STAB2: variants seen among roughly 807,000 people sequenced by gnomAD.
The protein encoded by STAB2 is stabilin 2, also known as stabilin-2.
Under a neutral mutation model 338.1 loss-of-function variants are expected in STAB2, and 288 were observed. The observed-to-expected ratio is 0.85, with a 90% CI of 0.77 to 0.94. The LOEUF is 0.94. STAB2 is among the 40% of genes least tolerant of loss of function. The pLI is 0.00. For missense variants in STAB2, 3,141 were observed against 3,210.1 expected (o/e 0.98, Z 0.52); for synonymous variants, 1,202 against 1,193.3 (o/e 1.01, Z -0.15).
At chr12:103,721,036 C>A (rs1287866026) in intron 44 of STAB2, among the ~76,000 whole-genome samples, 2 of 152,214 alleles carry the variant, frequency 1.3e-5, no homozygotes, top group Non-Finnish European at 2.9e-5. Flanking sequence ...TAATGAACCA[C>A]AAAAGGATCT....
chr12:103,693,423 C>T (rs749734806), intron 31 of STAB2, among the ~76,000 whole-genome samples: 9 of 151,886 alleles, frequency 5.9e-5, no homozygotes, highest in Non-Finnish European at 8.8e-5. Flanking sequence ...GGCAACAGAG[C>T]GAGACTGTCT....
At chr12:103,631,783 C>T (rs972844980) in intron 6 of STAB2, 90 bp downstream of exon 6, 16 of 1,302,824 alleles carry the variant, frequency 1.2e-5, no homozygotes, top group Non-Finnish European at 1.5e-5. Context: ...TGGTTCTCTG[C>T]AGGGGCAAGG....
At chr12:103,644,779 C>A (rs1247230577) in intron 9 of STAB2, among the ~76,000 whole-genome samples, 1 of 152,066 alleles carries the variant, frequency 6.6e-6, no homozygotes, top group South Asian at 2.1e-4. Flanking sequence ...AACAATTTAT[C>A]GTACATTTTT....
chr12:103,766,164 C>T, intron 68 of STAB2, 122 bp from the exon 69 acceptor site: 2 of 1,320,934 alleles, frequency 1.5e-6, no homozygotes, highest in Non-Finnish European at 2.2e-6. Context: ...CAAACACGCC[C>T]AGCACATACG....
chr12:103,738,820 C>G (rs1566063119), intron 53 of STAB2, among the ~76,000 whole-genome samples: 1 of 152,330 alleles, frequency 6.6e-6, no homozygotes, highest in South Asian at 2.1e-4. Context: ...ATATGTCCCA[C>G]TGCTAATAGC....
chr12:103,685,443 T>C (rs1593233072), intron 27 of STAB2, among the ~76,000 whole-genome samples: 1 of 144,922 alleles, frequency 6.9e-6, no homozygotes, highest in Non-Finnish European at 1.5e-5. Flanking sequence ...TGTGTGTGTG[T>C]GTGTGTGTGT....
chr12:103,657,420 T>G (rs1184781819), intron 15 of STAB2, among the ~76,000 whole-genome samples: 1 of 152,166 alleles, frequency 6.6e-6, no homozygotes, highest in East Asian at 1.9e-4. Flanking sequence ...TCAACCTCAT[T>G]GCTTAGTTCT....
At position 103,638,108 on chromosome 12, in the gene STAB2, T is replaced by A. The variant is rs753564747; in HGVS notation, c.802T>A (p.Tyr268Asn). 2 of 1,614,206 alleles carry A rather than the reference T, an allele frequency of 1.2e-6. No individual in the cohort carries two copies. Among genetic ancestry groups the A allele is most frequent in the South Asian group, 2.2e-5 (2 of 91,076 alleles). The change falls in exon 8 of 69, where the codon TAC becomes AAC. Residue 268 changes from tyrosine to asparagine, a missense_variant. Coordinates refer to ENST00000388887, the MANE Select transcript of STAB2 (RefSeq NM_017564.10). ...NRHSCTCQEG[Y>N]RGDGQVCLPV... is the part of the protein sequence containing the mutation. Reference sequence around the variant, plus strand: ...GCACAGTTGTACATGCCAAGAAGGCTACCGTGGGGATGGCCAAGTGTGCTT... The same window carrying A: ...GCACAGTTGTACATGCCAAGAAGGCAACCGTGGGGATGGCCAAGTGTGCTT...
At chr12:103,607,249 T>A (rs908523526) in intron 3 of STAB2, among the ~76,000 whole-genome samples, 4 of 152,094 alleles carry the variant, frequency 2.6e-5, no homozygotes, top group African/African-American at 9.7e-5. Context: ...ATACATTTTC[T>A]CCCTTCCTCC....
At chr12:103,661,987 A>G (rs1874663437) in intron 17 of STAB2, among the ~76,000 whole-genome samples, 1 of 152,096 alleles carries the variant, frequency 6.6e-6, no homozygotes, top group African/African-American at 2.4e-5. Context: ...AGGATTTTGA[A>G]CTGAGGAATG....
chr12:103,606,432 T>C (rs557499544), intron 3 of STAB2, among the ~76,000 whole-genome samples: 1 of 152,216 alleles, frequency 6.6e-6, no homozygotes, highest in African/African-American at 2.4e-5. Context: ...ATAATGACGA[T>C]GTCCAGCATT....
rs185696910 is a variant in STAB2 at position 103,612,029 on chromosome 12, G to T, written c.332-8439G>T. On this transcript the variant is annotated intron_variant, in intron 3 of 68. Transcript: ENST00000388887. ...GAATATTGTCCCCCACTCTCTTCTG[G>T]CTTGTAGAGTTTCTGCTGAGATATC... 6.9e-3 allele frequency among the ~76,000 whole-genome samples: 1,048 copies of T among 152,264 alleles called. 10 individuals are homozygous for T. Among genetic ancestry groups the T allele is most frequent in the African/African-American group, 0.024 (994 of 41,546 alleles).
In STAB2 at chr12:103,742,496, C is replaced by T. The variant is rs1882665136; in HGVS notation, c.5973C>T (p.Gly1991=). The T allele has an allele frequency of 6.2e-7, 1 of 1,614,168 alleles. No individual in the cohort carries two copies. Among genetic ancestry groups the T allele is most frequent in the Non-Finnish European group, 8.5e-7 (1 of 1,180,028 alleles). ...SATGECKCNT[G]FNGTACEMCW... ...CCGGAGAGTGTAAATGCAACACCGGCTTCAATGGGACGGCGTGTGAGATGT... is the reference window on the plus strand; with the variant it reads ...CCGGAGAGTGTAAATGCAACACCGGTTTCAATGGGACGGCGTGTGAGATGT... The change falls in exon 56 of 69, where the codon GGC becomes GGT. Residue 1991 remains glycine, a synonymous_variant. Coordinates refer to ENST00000388887, the MANE Select transcript of STAB2 (RefSeq NM_017564.10).
At chr12:103,756,017 G>A (rs1021126067) in intron 63 of STAB2, among the ~76,000 whole-genome samples, 1 of 152,074 alleles carries the variant, frequency 6.6e-6, no homozygotes, top group Non-Finnish European at 1.5e-5. Context: ...TAGACCTGTG[G>A]TCTGTACATG....
chr12:103,707,467 G>A (rs1376849980), intron 38 of STAB2, among the ~76,000 whole-genome samples: 1 of 152,248 alleles, frequency 6.6e-6, no homozygotes. Context: ...AGGCAGAACT[G>A]AGAACTGAAT....
chr12:103,739,562 TGTGTGTGTGTGC>T (rs1333307738), intron 54 of STAB2, 94 bp downstream of exon 54: 6 of 796,330 alleles, frequency 7.5e-6, no homozygotes, highest in Non-Finnish European at 1.1e-5. Context: ...TGTGTGTGTG[TGTGTGTGTGTGC>T]CCGTGCACGT....
chr12:103,766,464 T>G lies in STAB2; in HGVS notation c.*128T>G. ...ACTCAGAAGCCATACCTCATCTCTC[T>G]GGCTGATCTGGGGGTTGTTTCTGTG... On this transcript the variant is annotated 3_prime_UTR_variant, in exon 69 of 69. Coordinates refer to ENST00000388887, the MANE Select transcript of STAB2 (RefSeq NM_017564.10). 9.3e-7 allele frequency: 1 copy of G among 1,073,522 alleles called. No homozygotes were observed. The highest frequency in any genetic ancestry group is 1.3e-6 in the Non-Finnish European group (1 of 752,738). The allele number at this position is 1,073,522 out of a possible 1,614,324, so 66.5% of individuals were successfully genotyped here. A position where few individuals can be genotyped will look rare whatever the true frequency, so the allele number is the denominator to read the frequency against.
At chr12:103,669,970 A>G (rs771963083) in intron 21 of STAB2, among the ~76,000 whole-genome samples, 8 of 152,314 alleles carry the variant, frequency 5.3e-5, no homozygotes, top group Non-Finnish European at 8.8e-5. Context: ...AGATTTTATG[A>G]TAGTTAAAAA....
intron 18 of STAB2, 84 bp downstream of exon 18, chr12:103,663,082 G>A: frequency 1.3e-6 from 2 of 1,533,324 alleles, no homozygotes; most frequent in South Asian, 1.2e-5. Context: ...TCTGAGAAAG[G>A]TGTCAAAGAA....
Sources: gnomAD v4.1 joint callset for allele counts (sites outside exome capture counted in the v4.1 genomes callset) on GRCh38, gnomAD v4.1.1 for gene constraint, MANE v1.5 for transcripts, NCBI Gene and HGNC (gene_info 2026-07-23, HGNC 2026-07-21) for gene names.